ADGRV1: variants seen among roughly 807,000 people sequenced by gnomAD.
The protein encoded by ADGRV1 is adhesion G protein-coupled receptor V1, also known as G-protein coupled receptor 98.
ADGRV1 carries 359 observed loss-of-function variants against 596.2 expected under a neutral mutation model. The observed-to-expected ratio is 0.60, with a 90% confidence interval of 0.55 to 0.66. The LOEUF (loss-of-function observed/expected upper bound fraction) is 0.66. Among genes scored for constraint, ADGRV1 ranks in the 30% least tolerant of loss-of-function variants. ADGRV1 has a pLI of 0.00. For synonymous variants in ADGRV1, 2,681 were observed against 2,679.2 expected (o/e 1.00, Z -0.02); for missense variants, 7,274 against 7,575.6 (o/e 0.96, Z 1.48).
intron 67 of ADGRV1, among the ~76,000 whole-genome samples, chr5:90,785,722 A>T (rs1359906968): frequency 6.6e-6 from 1 of 152,184 alleles, no homozygotes; most frequent in Non-Finnish European, 1.5e-5. Context: ...CTCCAGTTAG[A>T]ATGGCGATCA....
chr5:91,134,108 C>A (rs1394862777), intron 87 of ADGRV1, among the ~76,000 whole-genome samples: 1 of 151,588 alleles, frequency 6.6e-6, no homozygotes. Context: ...CTTGATTCTT[C>A]AAGGGAAGAA....
intron 21 of ADGRV1, among the ~76,000 whole-genome samples, chr5:90,660,113 C>T (rs1158443334): frequency 6.6e-6 from 1 of 151,884 alleles, no homozygotes; most frequent in Non-Finnish European, 1.5e-5. Flanking sequence ...TTCTATTAAG[C>T]CAGACATTAA....
At chr5:91,122,926 G>GGGAC in intron 87 of ADGRV1, among the ~76,000 whole-genome samples, 1 of 152,310 alleles carries the variant, frequency 6.6e-6, no homozygotes, top group South Asian at 2.1e-4. Flanking sequence ...ATTTTAAAGA[G>GGGAC]GGACTCCTAG....
chr5:90,965,539 C>T lies in ADGRV1; in HGVS notation c.17973+8C>T, dbSNP rs1778376447. The T allele has an allele frequency of 2.7e-6, 4 of 1,478,378 alleles. No individual in the cohort carries two copies. Among genetic ancestry groups the T allele is most frequent in the Non-Finnish European group, 3.8e-6 (4 of 1,057,816 alleles). The allele number at this position is 1,478,378 out of a possible 1,614,324, so 91.6% of individuals were successfully genotyped here. A position where few individuals can be genotyped will look rare whatever the true frequency, so the allele number is the denominator to read the frequency against. On this transcript the variant is annotated splice_region_variant and intron_variant, in intron 84 of 89. Coordinates refer to ENST00000405460, the MANE Select transcript of ADGRV1 (RefSeq NM_032119.4). Reference sequence around the variant, plus strand: ...AGCTGGATGCTCATTCAGGTTGGTACCTCATTCCCTCTCCCCGCCCCTTTA... The same window carrying T: ...AGCTGGATGCTCATTCAGGTTGGTATCTCATTCCCTCTCCCCGCCCCTTTA...
intron 85 of ADGRV1, among the ~76,000 whole-genome samples, chr5:91,035,861 T>TA: frequency 0.14 from 13,610 of 96,330 alleles, 1,705 homozygotes; most frequent in Admixed American, 0.31. Context: ...TATATATATA[T>TA]TATATATATA....
Position 90,627,760 on chromosome 5 carries a change from G to T in ADGRV1, c.1222G>T (p.Glu408Ter). The change falls in exon 7 of 90, where the codon GAA becomes TAA. Residue 408 changes from glutamate to a stop codon, truncating the protein, a stop_gained. Transcript: ENST00000405460. LOFTEE classifies it high-confidence loss of function. Reference protein sequence around the residue: ...VLFERTVIIDEDRISRYEEIT... With the variant: ...VLFERTVIID ...GTTTGAAAGGACAGTTATAATTGAT[G>T]AAGATAGAATATCAAGGTATGATTT... The T allele has an allele frequency of 6.5e-7, 1 of 1,530,968 alleles. No individual in the cohort carries two copies. Among genetic ancestry groups the T allele is most frequent in the Non-Finnish European group, 8.8e-7 (1 of 1,133,434 alleles). The allele number at this position is 1,530,968 out of a possible 1,614,324, so 94.8% of individuals were successfully genotyped here.
chr5:90,936,292 T>TCA (rs1023804401), intron 83 of ADGRV1, among the ~76,000 whole-genome samples: 8 of 151,872 alleles, frequency 5.3e-5, no homozygotes, highest in Admixed American at 1.3e-4. Flanking sequence ...TTCTCCTCTC[T>TCA]CACACACACA....
At chr5:90,833,053 T>C (rs1764651632) in intron 77 of ADGRV1, among the ~76,000 whole-genome samples, 1 of 152,188 alleles carries the variant, frequency 6.6e-6, no homozygotes, top group Non-Finnish European at 1.5e-5. Flanking sequence ...CCAGTTTTTT[T>C]CTTTTTGCTC....
chr5:91,070,478 G>A (rs1788289546), intron 85 of ADGRV1, among the ~76,000 whole-genome samples: 1 of 152,084 alleles, frequency 6.6e-6, no homozygotes, highest in South Asian at 2.1e-4. Context: ...CTTCAAAAGA[G>A]GCACTTCTTA....
At chr5:90,762,823 C>T (rs941834042) in intron 58 of ADGRV1, 1 of 152,654 alleles carries the variant, frequency 6.6e-6, no homozygotes, top group Non-Finnish European at 1.5e-5. Flanking sequence ...ATGTGCATTT[C>T]TTCTTCACGC....
At chr5:90,821,305 T>G (rs1442494220) in intron 75 of ADGRV1, among the ~76,000 whole-genome samples, 11 of 151,358 alleles carry the variant, frequency 7.3e-5, no homozygotes, top group Non-Finnish European at 1.3e-4. Context: ...GTTATTCTAG[T>G]TGTACATTCT....
At chr5:90,789,967 TG>T in intron 69 of ADGRV1, 116 bp downstream of exon 69, 1 of 683,994 alleles carries the variant, frequency 1.5e-6, no homozygotes, top group Non-Finnish European at 2.1e-6. Flanking sequence ...TAAAGTTACG[TG>T]AGTTTTCAGA....
chr5:90,749,623 T>C (rs1271315984), intron 52 of ADGRV1, among the ~76,000 whole-genome samples: 1 of 152,206 alleles, frequency 6.6e-6, no homozygotes, highest in Non-Finnish European at 1.5e-5. Context: ...CAGGTTATCA[T>C]AGTGACCTGA....
intron 83 of ADGRV1, among the ~76,000 whole-genome samples, chr5:90,920,637 TATC>T (rs1337829735): frequency 3.3e-5 from 5 of 152,290 alleles, no homozygotes; most frequent in Middle Eastern, 3.4e-3. Context: ...TTAGAGCAGT[TATC>T]ATCTCATTAG....
chr5:91,004,597 C>A (rs1166350035), intron 85 of ADGRV1, among the ~76,000 whole-genome samples: 2 of 84,648 alleles, frequency 2.4e-5, no homozygotes, highest in East Asian at 6.3e-4. Context: ...TAATCTTTCA[C>A]TTTGACTCCT....
At chr5:90,937,615 G>A (rs546705370) in intron 83 of ADGRV1, among the ~76,000 whole-genome samples, 13 of 152,008 alleles carry the variant, frequency 8.6e-5, no homozygotes, top group Admixed American at 3.9e-4. Flanking sequence ...CCACCACCAC[G>A]CCCAGCTAAT....
At chr5:90,718,708 A>G (rs1395913422) in intron 43 of ADGRV1, among the ~76,000 whole-genome samples, 1 of 151,864 alleles carries the variant, frequency 6.6e-6, no homozygotes, top group Non-Finnish European at 1.5e-5. Context: ...ATATATATAA[A>G]AATTCAAATT....
At chr5:91,155,805 GT>G (rs1261597743) in intron 89 of ADGRV1, among the ~76,000 whole-genome samples, 1 of 152,150 alleles carries the variant, frequency 6.6e-6, no homozygotes, top group Non-Finnish European at 1.5e-5. Context: ...GTTCCTATTT[GT>G]TTTGAGGCAA....
At chr5:90,944,612 G>T (rs1021215996) in intron 83 of ADGRV1, among the ~76,000 whole-genome samples, 1 of 152,150 alleles carries the variant, frequency 6.6e-6, no homozygotes, top group African/African-American at 2.4e-5. Context: ...TTTATGCTCA[G>T]ACTGGCTGGT....
Sources: allele counts gnomAD v4.1 joint callset (sites outside exome capture counted in the v4.1 genomes callset), GRCh38; gene constraint gnomAD v4.1.1; transcripts MANE v1.5; gene names NCBI Gene and HGNC (gene_info 2026-07-23, HGNC 2026-07-21).